The following GRID2 variants were observed in gnomAD, a reference collection of about 807,000 sequenced individuals.
GRID2 encodes the protein glutamate receptor ionotropic, delta-2.
A neutral mutation model predicts 114.8 loss-of-function variants in GRID2; 33 were observed. That is an observed-to-expected ratio of 0.29 (90% confidence interval 0.22 to 0.38). The LOEUF is 0.38. Ranked by LOEUF, GRID2 falls within the 10% of genes least tolerant of loss-of-function variation. The pLI is 1.00. For synonymous variants in GRID2, 505 were observed against 449.9 expected (o/e 1.12, Z -1.55); for missense variants, 1,184 against 1,257.7 (o/e 0.94, Z 0.89).
intron 2 of GRID2, among the ~76,000 whole-genome samples, chr4:92,669,773 T>C (rs375961089): frequency 5.9e-5 from 9 of 152,038 alleles, no homozygotes; most frequent in East Asian, 3.9e-4. Flanking sequence ...TTATATACCA[T>C]TTGGAAATTT....
At chr4:93,011,377 C>T (rs1722121757) in intron 2 of GRID2, among the ~76,000 whole-genome samples, 1 of 151,852 alleles carries the variant, frequency 6.6e-6, no homozygotes, top group African/African-American at 2.4e-5. Context: ...TTCATTATAT[C>T]ACCTGCCAGT....
At chr4:92,726,157 T>C (rs548554092) in intron 2 of GRID2, among the ~76,000 whole-genome samples, 56 of 152,244 alleles carry the variant, frequency 3.7e-4, no homozygotes, top group African/African-American at 1.3e-3. Context: ...GGAATAAATA[T>C]GGATAAGAGT....
In GRID2 at chr4:93,455,970, A is replaced by T; in HGVS notation, c.1854A>T (p.Gln618His). 1 of 1,572,714 alleles carries T rather than the reference A, an allele frequency of 6.4e-7. No homozygotes were observed. Among genetic ancestry groups the T allele is most frequent in the Non-Finnish European group, 8.8e-7 (1 of 1,142,284 alleles). ...SMWFVYGSFV[Q>H]QGGEVPYTTL... ...GGTTTGTGTATGGATCTTTTGTACA[A>T]CAAGGTAAGGAGCAAAAGTACATTC... is the stretch of plus-strand genomic sequence containing the variant. The change falls in exon 11 of 16, where the codon CAA becomes CAT. Residue 618 changes from glutamine to histidine, a missense_variant. Physicochemically the swap from Gln to His is conservative, Grantham distance 24. Coordinates refer to ENST00000282020, the MANE Select transcript of GRID2 (RefSeq NM_001510.4).
At chr4:92,369,050 G>A (rs575963247) in intron 1 of GRID2, among the ~76,000 whole-genome samples, 23 of 151,212 alleles carry the variant, frequency 1.5e-4, no homozygotes, top group African/African-American at 3.6e-4. Flanking sequence ...TGATATAATC[G>A]CCCTAAAAAT....
intron 2 of GRID2, among the ~76,000 whole-genome samples, chr4:92,953,286 A>G (rs1174438638): frequency 6.6e-6 from 1 of 152,162 alleles, no homozygotes; most frequent in African/African-American, 2.4e-5. Context: ...TGATCTTATA[A>G]AAATGATGTC....
At chr4:92,355,929 G>C (rs1728295883) in intron 1 of GRID2, among the ~76,000 whole-genome samples, 2 of 151,580 alleles carry the variant, frequency 1.3e-5, no homozygotes, top group Non-Finnish European at 3.0e-5. Context: ...TGCAAAAGTT[G>C]ATCTCCATGT....
intron 14 of GRID2, among the ~76,000 whole-genome samples, chr4:93,739,714 T>C (rs1731214660): frequency 6.6e-6 from 1 of 152,116 alleles, no homozygotes; most frequent in African/African-American, 2.4e-5. Flanking sequence ...CTTCAGTACA[T>C]TTATCCTCCA....
At chr4:92,769,299 T>A (rs1182905091) in intron 2 of GRID2, among the ~76,000 whole-genome samples, 3 of 152,196 alleles carry the variant, frequency 2.0e-5, no homozygotes, top group Admixed American at 6.5e-5. Flanking sequence ...CCCATGGTCT[T>A]AGGTAGCTTT....
intron 2 of GRID2, among the ~76,000 whole-genome samples, chr4:92,637,731 A>G (rs1217602818): frequency 1.3e-5 from 2 of 152,114 alleles, no homozygotes; most frequent in African/African-American, 2.4e-5. Context: ...TTAGCCCTCC[A>G]GCTGGCTTCC....
intron 14 of GRID2, among the ~76,000 whole-genome samples, chr4:93,653,636 A>G (rs775147611): frequency 7.9e-5 from 12 of 152,108 alleles, no homozygotes; most frequent in Non-Finnish European, 1.3e-4. Flanking sequence ...AAAGATTAGG[A>G]AAGGAGGAGT....
intron 2 of GRID2, among the ~76,000 whole-genome samples, chr4:93,003,845 G>A (rs1721245655): frequency 6.6e-6 from 1 of 151,862 alleles, no homozygotes; most frequent in African/African-American, 2.4e-5. Context: ...AGTGGGCCAA[G>A]GAAATACTGA....
intron 2 of GRID2, among the ~76,000 whole-genome samples, chr4:92,877,835 G>A (rs1745743641): frequency 6.6e-6 from 1 of 152,140 alleles, no homozygotes; most frequent in African/African-American, 2.4e-5. Context: ...AAGATTTCAA[G>A]ATTGGGGAGG....
chr4:93,424,520 A>G (rs984776334), intron 10 of GRID2, among the ~76,000 whole-genome samples: 1 of 152,044 alleles, frequency 6.6e-6, no homozygotes, highest in African/African-American at 2.4e-5. Flanking sequence ...GTTTTGCCAT[A>G]TATTATTTCT....
chr4:92,999,767 G>A (rs1211111242), intron 2 of GRID2, among the ~76,000 whole-genome samples: 1 of 151,248 alleles, frequency 6.6e-6, no homozygotes. Context: ...ATATATAATT[G>A]CTGGGATTAA....
intron 2 of GRID2, among the ~76,000 whole-genome samples, chr4:92,850,520 A>G (rs377056794): frequency 3.3e-5 from 5 of 151,958 alleles, no homozygotes; most frequent in Admixed American, 2.0e-4. Flanking sequence ...ACATAAACTT[A>G]GAAGATCACA....
chr4:93,289,955 A>C (rs1032542332), intron 8 of GRID2, among the ~76,000 whole-genome samples: 1 of 152,216 alleles, frequency 6.6e-6, no homozygotes, highest in African/African-American at 2.4e-5. Context: ...ATGGTTTGAC[A>C]TCACTCTTTC....
At chr4:92,806,920 C>T (rs539828260) in intron 2 of GRID2, among the ~76,000 whole-genome samples, 70 of 151,732 alleles carry the variant, frequency 4.6e-4, no homozygotes, top group African/African-American at 1.2e-3. Flanking sequence ...AGCAAAAGTC[C>T]GGGGATGAAA....
chr4:93,229,830 A>G (rs572881281), intron 7 of GRID2, among the ~76,000 whole-genome samples: 19 of 152,150 alleles, frequency 1.2e-4, no homozygotes, highest in African/African-American at 4.6e-4. Context: ...ACTCTTGTGT[A>G]CCTGAGCTTT....
intron 1 of GRID2, among the ~76,000 whole-genome samples, chr4:92,577,771 T>C (rs1727966948): frequency 6.6e-6 from 1 of 152,066 alleles, no homozygotes; most frequent in Non-Finnish European, 1.5e-5. Context: ...GGAATTACCA[T>C]GGAATTAGGT....
Sources: gnomAD v4.1 joint callset for allele counts (sites outside exome capture counted in the v4.1 genomes callset) on GRCh38, gnomAD v4.1.1 for gene constraint, MANE v1.5 for transcripts, NCBI Gene and HGNC (gene_info 2026-07-23, HGNC 2026-07-21) for gene names.